The following FBN2 variants were observed in gnomAD, a reference collection of about 807,000 sequenced individuals.
The protein encoded by FBN2 is fibrillin-2.
A neutral mutation model predicts 355.6 loss-of-function variants in FBN2; 105 were observed. That is an observed-to-expected ratio of 0.30 (90% CI 0.25 to 0.35). FBN2 has a LOEUF of 0.35. FBN2 is among the 10% of genes least tolerant of loss of function. The pLI, the probability that FBN2 is intolerant of heterozygous loss-of-function variation, is 1.00. For missense variants in FBN2, 3,280 were observed against 3,758.7 expected, an observed-to-expected ratio of 0.87 and a Z score of 3.33; for synonymous variants, 1,350 against 1,301.2, an observed-to-expected ratio of 1.04 and a Z score of -0.81.
At chr5:128,411,561 TCTC>T (rs551664399) in intron 7 of FBN2, among the ~76,000 whole-genome samples, 1 of 152,290 alleles carries the variant, frequency 6.6e-6, no homozygotes, top group South Asian at 2.1e-4. Flanking sequence ...AGCTGCCTCT[TCTC>T]CTCTCGACAT....
At chr5:128,326,809 G>A (rs1463359963) in intron 34 of FBN2, among the ~76,000 whole-genome samples, 3 of 152,090 alleles carry the variant, frequency 2.0e-5, no homozygotes, top group Non-Finnish European at 4.4e-5. Flanking sequence ...TGTCAGTTAG[G>A]AGTTTCTCTC....
At chr5:128,324,328 C>T (rs1482864238) in intron 34 of FBN2, among the ~76,000 whole-genome samples, 1 of 152,158 alleles carries the variant, frequency 6.6e-6, no homozygotes. Flanking sequence ...CTTCTGCTAG[C>T]TACTGAATTT....
At chr5:128,506,922 T>C (rs1413732273) in intron 5 of FBN2, among the ~76,000 whole-genome samples, 1 of 152,128 alleles carries the variant, frequency 6.6e-6, no homozygotes, top group African/African-American at 2.4e-5. Flanking sequence ...TTTAATATCA[T>C]AGGATAAATC....
Position 128,345,377 on chromosome 5 carries a change from G to A in FBN2, c.3197C>T (p.Thr1066Ile). 1 of 1,614,146 alleles carries A rather than the reference G, an allele frequency of 6.2e-7. No individual in the cohort carries two copies. The highest frequency in any genetic ancestry group is 8.5e-7 in the Non-Finnish European group (1 of 1,179,994). Residue 1066 changes from threonine to isoleucine, a missense_variant, in exon 24 of 65, where the codon ACT becomes ATT. This residue lies in a region of FBN2 where 2,284 missense variants were observed against 2,749.5 expected (regional missense o/e 0.83). Transcript: ENST00000262464. ...AGFANRGDVL[T>I]GRPFYKDINE... The stretch of plus-strand genomic sequence containing the variant: ...GTTACCTTTGTAAAATGGCCGCCCA[G>A]TAAGAACATCCCCTCGGTTAGCAAA...
intron 7 of FBN2, among the ~76,000 whole-genome samples, chr5:128,422,913 A>C (rs1251459925): frequency 6.6e-6 from 1 of 152,184 alleles, no homozygotes; most frequent in Non-Finnish European, 1.5e-5. Context: ...AAAACAAAAA[A>C]AGATGCAGCT....
chr5:128,536,334 T>A, intron 2 of FBN2, 68 bp downstream of exon 2: 1 of 1,228,498 alleles, frequency 8.1e-7, no homozygotes, highest in Non-Finnish European at 1.2e-6. Flanking sequence ...AATGGCTGAG[T>A]GCAAGAGGTC....
intron 62 of FBN2, among the ~76,000 whole-genome samples, chr5:128,268,133 A>G (rs1453583136): frequency 6.6e-6 from 1 of 152,206 alleles, no homozygotes; most frequent in Non-Finnish European, 1.5e-5. Context: ...ACCACTAGCT[A>G]GACTAATAAA....
chr5:128,480,796 A>G (rs1755162494), intron 5 of FBN2, among the ~76,000 whole-genome samples: 1 of 152,182 alleles, frequency 6.6e-6, no homozygotes, highest in African/African-American at 2.4e-5. Context: ...ATAAACTAAC[A>G]TTTTGAAGAA....
intron 8 of FBN2, among the ~76,000 whole-genome samples, chr5:128,397,728 A>T (rs1388996517): frequency 6.6e-6 from 1 of 152,144 alleles, no homozygotes; most frequent in Non-Finnish European, 1.5e-5. Context: ...AGAGTCCCTA[A>T]ATGAGGTGAA....
chr5:128,350,807 T>C (rs1751333313), intron 21 of FBN2, 61 bp downstream of exon 21: 2 of 1,587,014 alleles, frequency 1.3e-6, no homozygotes, highest in Non-Finnish European at 1.7e-6. Flanking sequence ...GTGAAAGAGG[T>C]GTCCTAGTGG....
chr5:128,398,621 C>A (rs1053919195), intron 8 of FBN2, among the ~76,000 whole-genome samples: 1 of 151,952 alleles, frequency 6.6e-6, no homozygotes, highest in African/African-American at 2.4e-5. Flanking sequence ...CACATAGAGA[C>A]AAAGACACTG....
intron 6 of FBN2, among the ~76,000 whole-genome samples, chr5:128,462,105 A>C (rs560179149): frequency 7.2e-5 from 11 of 152,300 alleles, no homozygotes; most frequent in African/African-American, 2.6e-4. Flanking sequence ...TTTCATTCAC[A>C]ACTAATTTCA....
intron 11 of FBN2, among the ~76,000 whole-genome samples, chr5:128,382,996 G>A (rs968775310): frequency 2.6e-5 from 4 of 152,016 alleles, no homozygotes; most frequent in Non-Finnish European, 5.9e-5. Context: ...AGAAATCATG[G>A]TTTTCAAGAA....
chr5:128,288,895 G>A (rs922792941), intron 52 of FBN2, among the ~76,000 whole-genome samples: 1 of 152,192 alleles, frequency 6.6e-6, no homozygotes, highest in African/African-American at 2.4e-5. Context: ...AAGTCTCTAG[G>A]ACACATAAGA....
At chr5:128,390,199 A>G (rs533089049) in intron 11 of FBN2, among the ~76,000 whole-genome samples, 1 of 152,316 alleles carries the variant, frequency 6.6e-6, no homozygotes, top group African/African-American at 2.4e-5. Context: ...AAAACTTTCA[A>G]GTCTACCACT....
intron 7 of FBN2, among the ~76,000 whole-genome samples, chr5:128,426,303 C>A (rs1753482288): frequency 1.3e-5 from 2 of 152,164 alleles, no homozygotes; most frequent in Non-Finnish European, 2.9e-5. Flanking sequence ...ACTTCGAAAA[C>A]CTTCATATTT....
chr5:128,496,800 T>C (rs901742758), intron 5 of FBN2, among the ~76,000 whole-genome samples: 1 of 151,774 alleles, frequency 6.6e-6, no homozygotes. Context: ...ATATAATACA[T>C]GTAAAATCCT....
chr5:128,468,239 A>C (rs913047518), intron 5 of FBN2, among the ~76,000 whole-genome samples: 1 of 152,216 alleles, frequency 6.6e-6, no homozygotes, highest in Non-Finnish European at 1.5e-5. Flanking sequence ...CATAATGTTC[A>C]TCAAGACCAT....
chr5:128,531,722 G>GTATA (rs778150660), intron 2 of FBN2, among the ~76,000 whole-genome samples: 12 of 116,832 alleles, frequency 1.0e-4, no homozygotes, highest in South Asian at 2.5e-4. Flanking sequence ...ATGTATGTGT[G>GTATA]TATATATATA....
Sources: gnomAD v4.1 joint callset for allele counts (sites outside exome capture counted in the v4.1 genomes callset) on GRCh38, gnomAD v4.1.1 for gene constraint, gnomAD v4.1.1 regional missense constraint, MANE v1.5 for transcripts, NCBI Gene and HGNC (gene_info 2026-07-23, HGNC 2026-07-21) for gene names.